PPARGC1A: variants seen among roughly 807,000 people sequenced by gnomAD.
PPARGC1A encodes PPARG coactivator 1 alpha.
A neutral mutation model predicts 88.7 loss-of-function variants in PPARGC1A; 25 were observed. The observed-to-expected ratio is 0.28, with a 90% CI of 0.21 to 0.39. The LOEUF (loss-of-function observed/expected upper bound fraction) is 0.39, where lower values mean the gene tolerates loss of function less well. Among genes scored for constraint, PPARGC1A ranks in the 10% least tolerant of loss-of-function variants. The pLI is 1.00. For missense variants in PPARGC1A, 880 were observed against 968.7 expected (o/e 0.91, Z 1.22); for synonymous variants, 363 against 355.6 (o/e 1.02, Z -0.24).
chr4:24,014,672 T>C, the PPARGC1A span, among the ~76,000 whole-genome samples: 1 of 152,104 alleles, frequency 6.6e-6, no homozygotes, highest in Non-Finnish European at 1.5e-5. Context: ...TCCTTCTTCA[T>C]AGGCAGCTCA....
At chr4:24,416,755 G>A in the PPARGC1A span, among the ~76,000 whole-genome samples, 2 of 152,186 alleles carry the variant, frequency 1.3e-5, no homozygotes, top group Non-Finnish European at 2.9e-5. Flanking sequence ...ACATGGCTTG[G>A]CACAGTGGCT....
At chr4:23,902,844 C>G (rs1372709836), upstream of PPARGC1A, among the ~76,000 whole-genome samples, 3 of 152,292 alleles carry the variant, frequency 2.0e-5, no homozygotes, top group African/African-American at 7.2e-5. Flanking sequence ...AAAAACGATT[C>G]AGTAAACACA....
At chr4:24,134,800 T>C in the PPARGC1A span, among the ~76,000 whole-genome samples, 5 of 152,232 alleles carry the variant, frequency 3.3e-5, no homozygotes, top group Non-Finnish European at 5.9e-5. Flanking sequence ...TGAAGTTGAA[T>C]TTTTGCTCTT....
intron 1 of PPARGC1A, 140 bp downstream of exon 1, chr4:23,889,764 T>G: frequency 7.0e-6 from 7 of 993,116 alleles, no homozygotes; most frequent in Non-Finnish European, 1.0e-5. Flanking sequence ...TAAGATAAGA[T>G]TGAGATTCTT....
the PPARGC1A span, among the ~76,000 whole-genome samples, chr4:24,339,821 G>A: frequency 6.6e-6 from 1 of 151,946 alleles, no homozygotes; most frequent in South Asian, 2.1e-4. Flanking sequence ...TCACTGCAAC[G>A]TCCACCTGCC....
the PPARGC1A span, among the ~76,000 whole-genome samples, chr4:23,991,838 G>C: frequency 6.6e-6 from 1 of 151,992 alleles, no homozygotes; most frequent in Middle Eastern, 3.4e-3. Flanking sequence ...GTGTGATAAA[G>C]GTAAGAAGTC....
chr4:24,310,424 T>C, the PPARGC1A span, among the ~76,000 whole-genome samples: 5 of 152,218 alleles, frequency 3.3e-5, no homozygotes, highest in Non-Finnish European at 5.9e-5. Context: ...GAATATATTA[T>C]AGCTGTTACC....
the PPARGC1A span, among the ~76,000 whole-genome samples, chr4:24,351,173 G>C: frequency 1.3e-5 from 2 of 151,582 alleles, no homozygotes; most frequent in Non-Finnish European, 2.9e-5. Flanking sequence ...AAAGGTTTCA[G>C]GGAGCTGAGA....
At chr4:23,807,735 TTGTGTGTG>T (rs578197512) in intron 10 of PPARGC1A, among the ~76,000 whole-genome samples, 1 of 150,044 alleles carries the variant, frequency 6.7e-6, no homozygotes, top group African/African-American at 2.4e-5. Context: ...TTTTTTTCTT[TTGTGTGTG>T]TGTGTGTGTG....
chr4:23,807,473 G>T (rs1269016410), intron 10 of PPARGC1A, among the ~76,000 whole-genome samples: 2 of 152,114 alleles, frequency 1.3e-5, no homozygotes, highest in Non-Finnish European at 1.5e-5. Context: ...TATTTAAAAG[G>T]TAAGATGCAA....
the PPARGC1A span, among the ~76,000 whole-genome samples, chr4:24,171,092 C>T: frequency 2.0e-5 from 3 of 152,048 alleles, no homozygotes; most frequent in Non-Finnish European, 2.9e-5. Context: ...GTTACCTTCT[C>T]GGTTAAGCTT....
At chr4:24,457,117 T>C in the PPARGC1A span, among the ~76,000 whole-genome samples, 1 of 152,152 alleles carries the variant, frequency 6.6e-6, no homozygotes, top group African/African-American at 2.4e-5. Flanking sequence ...CATACAGTTT[T>C]GCAGGATTAT....
chr4:23,934,534 T>C, the PPARGC1A span, among the ~76,000 whole-genome samples: 11 of 152,290 alleles, frequency 7.2e-5, no homozygotes, highest in East Asian at 2.1e-3. Flanking sequence ...GGGATTGTAA[T>C]CTGTGGAATG....
chr4:24,078,920 G>T, the PPARGC1A span, among the ~76,000 whole-genome samples: 1 of 151,862 alleles, frequency 6.6e-6, no homozygotes, highest in Non-Finnish European at 1.5e-5. Context: ...GTATTTAATA[G>T]GATATCAAAA....
the PPARGC1A span, among the ~76,000 whole-genome samples, chr4:24,454,538 C>A: frequency 1.3e-5 from 2 of 151,578 alleles, no homozygotes; most frequent in South Asian, 4.2e-4. Context: ...GAGTTGCACT[C>A]CAGCCTGGAC....
the PPARGC1A span, among the ~76,000 whole-genome samples, chr4:23,912,816 T>A: frequency 6.7e-6 from 1 of 149,586 alleles, no homozygotes; most frequent in Non-Finnish European, 1.5e-5. Flanking sequence ...TTAGACGGAG[T>A]CTCACTCTGT....
chr4:23,967,998 C>T, the PPARGC1A span, among the ~76,000 whole-genome samples: 1 of 152,168 alleles, frequency 6.6e-6, no homozygotes, highest in African/African-American at 2.4e-5. Flanking sequence ...GCCCTAGAAA[C>T]AACAGAAGAG....
the PPARGC1A span, among the ~76,000 whole-genome samples, chr4:23,979,247 ATTTATT>A: frequency 1.3e-5 from 2 of 152,196 alleles, no homozygotes; most frequent in African/African-American, 4.8e-5. Context: ...ATTAATAAAA[ATTTATT>A]TTTAACATCA....
chr4:23,831,429 T>A, intron 3 of PPARGC1A, 128 bp downstream of exon 3: 1 of 774,766 alleles, frequency 1.3e-6, no homozygotes, highest in Non-Finnish European at 2.1e-6. Flanking sequence ...ACTCTGAGTG[T>A]GCTTGGGGAT....
Sources: allele counts gnomAD v4.1 joint callset (sites outside exome capture counted in the v4.1 genomes callset), GRCh38; gene constraint gnomAD v4.1.1; transcripts MANE v1.5; gene names NCBI Gene and HGNC (gene_info 2026-07-23, HGNC 2026-07-21).